Variants in NRG3 observed in about 807,000 individuals in gnomAD.
NRG3 encodes neuregulin 3.
Under a neutral mutation model 66.9 loss-of-function variants are expected in NRG3, and 31 were observed. The ratio of observed to expected loss-of-function variants is 0.46; its 90% confidence interval spans 0.35 to 0.63. NRG3 has a LOEUF of 0.63. Ranked by LOEUF, NRG3 falls within the 20% of genes least tolerant of loss-of-function variation. The probability of loss-of-function intolerance (pLI) is 0.00; values close to 1 mark genes in which losing one functional copy is unlikely to be tolerated. For synonymous variants in NRG3, 393 were observed against 359.4 expected, an observed-to-expected ratio of 1.09 and a Z score of -1.06; for missense variants, 910 against 878.9, an observed-to-expected ratio of 1.04 and a Z score of -0.45.
intron 1 of NRG3, among the ~76,000 whole-genome samples, chr10:82,325,667 A>G (rs141589450): frequency 2.7e-5 from 4 of 146,458 alleles, no homozygotes; most frequent in African/African-American, 1.0e-4. Context: ...TCTTTGTTTT[A>G]TTATTTTCGT....
intron 1 of NRG3, among the ~76,000 whole-genome samples, chr10:82,107,432 G>A (rs562636200): frequency 6.6e-5 from 10 of 152,194 alleles, no homozygotes; most frequent in African/African-American, 1.7e-4. Flanking sequence ...CAACTTTTGC[G>A]TAAATAGCAC....
chr10:81,943,532 C>A (rs1382601436), intron 1 of NRG3, among the ~76,000 whole-genome samples: 1 of 152,168 alleles, frequency 6.6e-6, no homozygotes, highest in Admixed American at 6.6e-5. Flanking sequence ...AATCTTGCAA[C>A]TTCCATCCCA....
chr10:82,065,705 GTTCT>G (rs2064416386), intron 1 of NRG3, among the ~76,000 whole-genome samples: 1 of 152,136 alleles, frequency 6.6e-6, no homozygotes, highest in Non-Finnish European at 1.5e-5. Flanking sequence ...GAGATAGTGT[GTTCT>G]GTGTCTCTAG....
chr10:82,246,267 A>G (rs1396895034), intron 1 of NRG3, among the ~76,000 whole-genome samples: 1 of 152,180 alleles, frequency 6.6e-6, no homozygotes, highest in Non-Finnish European at 1.5e-5. Flanking sequence ...ATATTAGATC[A>G]TTCCCAGACT....
At chr10:82,104,720 TGC>T (rs2132158967) in intron 1 of NRG3, among the ~76,000 whole-genome samples, 1 of 151,922 alleles carries the variant, frequency 6.6e-6, no homozygotes, top group African/African-American at 2.4e-5. Flanking sequence ...GTTATACGAT[TGC>T]AATTTAAAAA....
At chr10:82,502,161 A>G (rs1000479196) in intron 2 of NRG3, among the ~76,000 whole-genome samples, 4 of 152,110 alleles carry the variant, frequency 2.6e-5, no homozygotes, top group Non-Finnish European at 4.4e-5. Context: ...TAAAAAAATT[A>G]GGGTTTTTTT....
intron 7 of NRG3, among the ~76,000 whole-genome samples, chr10:82,975,829 T>C (rs767122215): frequency 9.8e-5 from 15 of 152,310 alleles, no homozygotes; most frequent in Non-Finnish European, 1.9e-4. Context: ...CATACTGATA[T>C]ACTTTGTTGT....
intron 4 of NRG3, among the ~76,000 whole-genome samples, chr10:82,869,567 A>ATTTTATTTTATTTTAT (rs1554831135): frequency 3.5e-5 from 4 of 113,118 alleles, no homozygotes; most frequent in African/African-American, 1.4e-4. Flanking sequence ...GGTCTTTTTT[A>ATTTTATTTTATTTTAT]TTTATTTTAT....
intron 2 of NRG3, among the ~76,000 whole-genome samples, chr10:82,371,409 G>T (rs965721550): frequency 4.6e-5 from 7 of 152,252 alleles, no homozygotes; most frequent in Middle Eastern, 3.4e-3. Flanking sequence ...ACACTCAGAA[G>T]TAAATGACAA....
chr10:82,159,245 C>T (rs1035720272), intron 1 of NRG3, among the ~76,000 whole-genome samples: 7 of 151,850 alleles, frequency 4.6e-5, no homozygotes, highest in African/African-American at 1.7e-4. Flanking sequence ...CAATGGTTCT[C>T]TATTGCACTC....
rs1554859757 is a variant in NRG3, at chr10:82,245,985, T to TCTG, written c.824-112754_824-112753insCTG. Among the ~76,000 whole-genome samples the TCTG allele has an allele frequency of 1.2e-3, 146 of 117,924 alleles. 2 individuals carry two copies. The highest frequency in any genetic ancestry group is 4.2e-3 in the African/African-American group (144 of 34,542). 77.4% of individuals were successfully genotyped at this position (117,924 alleles called of 152,430 possible). A position where few individuals can be genotyped will look rare whatever the true frequency, so the allele number is the denominator to read the frequency against. On this transcript the variant is annotated intron_variant, in intron 1 of 8. Coordinates refer to ENST00000372141, the MANE Select transcript of NRG3 (RefSeq NM_001010848.4). ...TTTTTTCCCAGTCTTCTGGTTTTTT[T>TCTG]TTTTTTTTTTTTTTTTAACTCAACA...
At chr10:82,855,213 A>G (rs938559250) in intron 3 of NRG3, among the ~76,000 whole-genome samples, 34 of 152,202 alleles carry the variant, frequency 2.2e-4, no homozygotes, top group African/African-American at 8.2e-4. Context: ...AAGTGTGAAT[A>G]AAAGCATGGT....
intron 2 of NRG3, among the ~76,000 whole-genome samples, chr10:82,460,735 G>T (rs983582742): frequency 1.3e-5 from 2 of 152,130 alleles, no homozygotes; most frequent in Admixed American, 6.5e-5. Context: ...ACTGCAGGGG[G>T]CCTGTTCTCA....
At chr10:82,501,716 G>C (rs1844209017) in intron 2 of NRG3, among the ~76,000 whole-genome samples, 1 of 152,122 alleles carries the variant, frequency 6.6e-6, no homozygotes. Context: ...GGTTGACCAT[G>C]CATCAAGTGT....
At position 82,594,051 on chromosome 10, in the gene NRG3, G is replaced by T. The variant is rs185795414; in HGVS notation, c.954-144526G>T. Among the ~76,000 whole-genome samples, 25 of 152,118 alleles carry T rather than the reference G, an allele frequency of 1.6e-4. No individual in the cohort carries two copies. The East Asian group carries it at 4.8e-3, about 29-fold the overall frequency. ...TCAGGACACATTTGATTTATCCTTAGGTTGTTTTCTGAGGCTTTAAAGTAT... is the reference window on the plus strand; with the variant it reads ...TCAGGACACATTTGATTTATCCTTATGTTGTTTTCTGAGGCTTTAAAGTAT... On this transcript the variant is annotated intron_variant, in intron 2 of 8. Transcript: ENST00000372141.
intron 1 of NRG3, among the ~76,000 whole-genome samples, chr10:82,170,997 T>G (rs1298248605): frequency 6.6e-6 from 1 of 151,970 alleles, no homozygotes; most frequent in African/African-American, 2.4e-5. Flanking sequence ...TTTGTCTTCA[T>G]GTGAAGGAGC....
At chr10:82,067,093 A>AT (rs35992853) in intron 1 of NRG3, among the ~76,000 whole-genome samples, 1 of 151,926 alleles carries the variant, frequency 6.6e-6, no homozygotes, top group Non-Finnish European at 1.5e-5. Context: ...TCTCAGTTTG[A>AT]TTTTTTTTAA....
At chr10:81,947,194 C>G (rs1236927865) in intron 1 of NRG3, among the ~76,000 whole-genome samples, 1 of 152,136 alleles carries the variant, frequency 6.6e-6, no homozygotes, top group Non-Finnish European at 1.5e-5. Context: ...CCCTGAGTCT[C>G]TTCATGCCGT....
intron 4 of NRG3, among the ~76,000 whole-genome samples, chr10:82,880,631 G>C (rs140839482): frequency 6.6e-6 from 1 of 152,134 alleles, no homozygotes; most frequent in Non-Finnish European, 1.5e-5. Context: ...TGGGCTCCAA[G>C]CACACTGGGC....
Sources: gnomAD v4.1 joint callset for allele counts (sites outside exome capture counted in the v4.1 genomes callset) on GRCh38, gnomAD v4.1.1 for gene constraint, MANE v1.5 for transcripts, NCBI Gene and HGNC (gene_info 2026-07-23, HGNC 2026-07-21) for gene names.